Variants in PSD3 observed in about 807,000 individuals in gnomAD.
PSD3 encodes the protein pleckstrin and Sec7 domain containing 3.
Under a neutral mutation model 105.5 loss-of-function variants are expected in PSD3, and 49 were observed. The ratio of observed to expected loss-of-function variants is 0.46; its 90% CI spans 0.37 to 0.59. The LOEUF is 0.59. Among genes scored for constraint, PSD3 ranks in the 20% least tolerant of loss-of-function variants. PSD3 has a pLI of 0.00. For missense variants in PSD3, 1,561 were observed against 1,263.8 expected, an observed-to-expected ratio of 1.24 and a Z score of -3.57; for synonymous variants, 557 against 457.8, an observed-to-expected ratio of 1.22 and a Z score of -2.77.
intron 9 of PSD3, among the ~76,000 whole-genome samples, chr8:18,716,569 C>T (rs1802614322): frequency 6.6e-6 from 1 of 152,068 alleles, no homozygotes; most frequent in African/African-American, 2.4e-5. Context: ...AGAGATGAGG[C>T]AGGGAGGGTA....
intron 15 of PSD3, among the ~76,000 whole-genome samples, chr8:18,545,269 C>G (rs1256395913): frequency 6.6e-6 from 1 of 152,070 alleles, no homozygotes; most frequent in Non-Finnish European, 1.5e-5. Context: ...GTGGAAAACT[C>G]AAGAAATAAA....
intron 1 of PSD3, among the ~76,000 whole-genome samples, chr8:18,953,007 T>C (rs1823341853): frequency 6.6e-6 from 1 of 152,256 alleles, no homozygotes; most frequent in Non-Finnish European, 1.5e-5. Flanking sequence ...AAATATCTAA[T>C]ATATAACAAA....
At chr8:18,790,305 CT>C (rs772350691) in intron 8 of PSD3, among the ~76,000 whole-genome samples, 384 of 133,338 alleles carry the variant, frequency 2.9e-3, no homozygotes, top group African/African-American at 7.4e-3. Context: ...TTTTTCTTTT[CT>C]TTTTTTTTTT....
At chr8:18,904,600 C>T (rs1819721173) in intron 2 of PSD3, among the ~76,000 whole-genome samples, 1 of 152,218 alleles carries the variant, frequency 6.6e-6, no homozygotes, top group African/African-American at 2.4e-5. Flanking sequence ...AATACCTGTA[C>T]TACCATTGTA....
chr8:18,640,558 C>T (rs1322833349), intron 10 of PSD3, among the ~76,000 whole-genome samples: 2 of 152,248 alleles, frequency 1.3e-5, no homozygotes, highest in East Asian at 3.9e-4. Context: ...TCCTTCCTGC[C>T]ACCATGTGAA....
intron 9 of PSD3, among the ~76,000 whole-genome samples, chr8:18,719,947 C>T (rs949341201): frequency 5.3e-5 from 8 of 152,122 alleles, no homozygotes; most frequent in Admixed American, 5.2e-4. Context: ...CTCTTCTGTT[C>T]ATAGCGATAT....
chr8:18,650,876 C>T (rs148202183), intron 10 of PSD3, among the ~76,000 whole-genome samples: 110 of 152,184 alleles, frequency 7.2e-4, no homozygotes, highest in African/African-American at 2.3e-3. Flanking sequence ...CTTTATAAGA[C>T]GGGGTGGCTA....
At chr8:18,651,844 T>G (rs1208098990) in intron 10 of PSD3, among the ~76,000 whole-genome samples, 1 of 152,176 alleles carries the variant, frequency 6.6e-6, no homozygotes, top group Non-Finnish European at 1.5e-5. Flanking sequence ...TCACGAACAC[T>G]GAATGGAGAA....
intron 9 of PSD3, chr8:18,734,268 A>T (rs1415470102): frequency 6.6e-6 from 1 of 152,228 alleles, no homozygotes; most frequent in Non-Finnish European, 1.5e-5. Context: ...AAAAATATGG[A>T]TTAAAAATAC....
intron 2 of PSD3, among the ~76,000 whole-genome samples, chr8:18,908,203 G>T (rs1819970340): frequency 6.6e-6 from 1 of 152,120 alleles, no homozygotes; most frequent in East Asian, 1.9e-4. Flanking sequence ...AACAATAGAG[G>T]CAAATTCTAA....
intron 4 of PSD3, among the ~76,000 whole-genome samples, chr8:18,821,718 CCCCAATA>C (rs1812736844): frequency 1.6e-5 from 1 of 64,486 alleles, no homozygotes; most frequent in African/African-American, 4.2e-5. Flanking sequence ...CACACACACA[CCCCAATA>C]ACAAAGCTCC....
intron 9 of PSD3, among the ~76,000 whole-genome samples, chr8:18,667,635 C>T (rs1410746205): frequency 6.6e-6 from 1 of 152,248 alleles, no homozygotes; most frequent in Non-Finnish European, 1.5e-5. Context: ...GGATCCTGAA[C>T]CAGGCGGCAG....
chr8:18,578,402 T>G (rs1802591695), intron 12 of PSD3, among the ~76,000 whole-genome samples: 1 of 152,144 alleles, frequency 6.6e-6, no homozygotes, highest in Middle Eastern at 3.2e-3. Context: ...CTTTTACATC[T>G]CCATGATTTG....
intron 1 of PSD3, among the ~76,000 whole-genome samples, chr8:19,079,769 C>T (rs1829581662): frequency 6.6e-6 from 1 of 152,168 alleles, no homozygotes; most frequent in South Asian, 2.1e-4. Flanking sequence ...ATGTCTTGCT[C>T]CTCATGGAAA....
At chr8:18,750,816 T>C (rs1414889086) in intron 9 of PSD3, among the ~76,000 whole-genome samples, 2 of 152,004 alleles carry the variant, frequency 1.3e-5, no homozygotes, top group Admixed American at 6.5e-5. Flanking sequence ...ACACAGAGTG[T>C]CGATTGGTGC....
intron 12 of PSD3, among the ~76,000 whole-genome samples, chr8:18,594,891 T>G (rs1563360115): frequency 6.6e-6 from 1 of 151,500 alleles, no homozygotes; most frequent in Non-Finnish European, 1.5e-5. Flanking sequence ...TTTGTGGAAC[T>G]TTTTTTTTCT....
intron 9 of PSD3, among the ~76,000 whole-genome samples, chr8:18,718,921 A>C (rs963301596): frequency 6.6e-6 from 1 of 152,226 alleles, no homozygotes; most frequent in Admixed American, 6.5e-5. Flanking sequence ...CATTCAAAAA[A>C]AGACATCACA....
intron 1 of PSD3, among the ~76,000 whole-genome samples, chr8:18,990,331 T>C (rs1825720747): frequency 1.3e-5 from 2 of 152,244 alleles, no homozygotes; most frequent in African/African-American, 4.8e-5. Flanking sequence ...TGCAATCCCA[T>C]GCCTTCATTC....
At chr8:18,674,411 T>C (rs1216890755) in intron 9 of PSD3, among the ~76,000 whole-genome samples, 1 of 152,226 alleles carries the variant, frequency 6.6e-6, no homozygotes, top group Non-Finnish European at 1.5e-5. Context: ...GTTTCCATGT[T>C]TCAAAGTTTG....
Sources: allele counts gnomAD v4.1 joint callset (sites outside exome capture counted in the v4.1 genomes callset), GRCh38; gene constraint gnomAD v4.1.1; transcripts MANE v1.5; gene names NCBI Gene and HGNC (gene_info 2026-07-23, HGNC 2026-07-21).